Variants in RPUSD3 observed in about 807,000 individuals in gnomAD.
The protein encoded by RPUSD3 is mitochondrial mRNA pseudouridine synthase RPUSD3.
In RPUSD3, 36 loss-of-function variants were observed where a neutral mutation model predicts 35.1. The observed-to-expected ratio is 1.02, with a 90% confidence interval of 0.79 to 1.35. The LOEUF is 1.35. Ranked by LOEUF, RPUSD3 falls within the 40% of genes most tolerant of loss-of-function variation. The pLI is 0.00. For synonymous variants in RPUSD3, 202 were observed against 187.8 expected (o/e 1.08, Z -0.62); for missense variants, 486 against 441.9 (o/e 1.10, Z -0.89).
rs886304300 is a variant in RPUSD3 at position 9,839,323 on chromosome 3, G to A, written c.725-152C>T. On this transcript the variant is annotated intron_variant, in intron 7 of 8. Coordinates refer to ENST00000383820, the Ensembl canonical transcript of RPUSD3. The stretch of plus-strand genomic sequence containing the variant: ...CAGTACTATGGCCCCTGCATCCAGA[G>A]AGGGACACATAACACGTCAGGACGA... 11 of 776,064 alleles carry A rather than the reference G, an allele frequency of 1.4e-5. No homozygotes were observed. The East Asian group carries it at 3.1e-4, about 22-fold the overall frequency. 48.1% of individuals were successfully genotyped at this position (776,064 alleles called of 1,614,324 possible). A position where few individuals can be genotyped will look rare whatever the true frequency, so the allele number is the denominator to read the frequency against.
exon 9 of RPUSD3, chr3:9,838,194 G>C: frequency 6.2e-7 from 1 of 1,611,982 alleles, no homozygotes; most frequent in South Asian, 1.1e-5. Flanking sequence ...TCTGAGGAGG[G>C]CTTCATCCAG....
At chr3:9,838,204 G>T (rs769494932) in exon 9 of RPUSD3, 1 of 1,611,814 alleles carries the variant, frequency 6.2e-7, no homozygotes. Context: ...GCTTCATCCA[G>T]GACCTGGAGC....
chr3:9,838,030 G>GC lies in RPUSD3; in HGVS notation c.1041dup (p.Leu348AlafsTer30). ...CAGAGGGAGGACTATTGTAAGCGGAGCCCCAGGCACTGTAGGGTCCTGGAG... is the reference window on the plus strand; with the variant it reads ...CAGAGGGAGGACTATTGTAAGCGGAGCCCCCAGGCACTGTAGGGTCCTGGAG... On this transcript the variant is annotated frameshift_variant, in exon 9 of 9. Coordinates refer to ENST00000383820, the Ensembl canonical transcript of RPUSD3. LOFTEE classifies it high-confidence loss of function. 3 of 1,575,750 alleles carry GC rather than the reference G, an allele frequency of 1.9e-6. No homozygotes were observed. Among genetic ancestry groups the GC allele is most frequent in the Non-Finnish European group, 2.6e-6 (3 of 1,159,232 alleles).
At chr3:9,840,882 G>A in intron 4 of RPUSD3, 77 bp from the exon 5 acceptor site, 2 of 1,076,252 alleles carry the variant, frequency 1.9e-6, no homozygotes, top group Non-Finnish European at 2.7e-6. Flanking sequence ...TAGGAACACT[G>A]ACCTGCTTCA....
exon 2 of RPUSD3, chr3:9,843,478 C>G: frequency 6.2e-7 from 1 of 1,614,018 alleles, no homozygotes; most frequent in South Asian, 1.1e-5. Flanking sequence ...TCCGGTCCAC[C>G]ACGGCTGCCC....
At chr3:9,843,768 C>A (rs1376327412) in intron 1 of RPUSD3, 122 bp downstream of exon 1, 3 of 1,540,880 alleles carry the variant, frequency 1.9e-6, no homozygotes, top group East Asian at 2.4e-5. Flanking sequence ...CAGCGGAGGG[C>A]ACCGAGGCTC....
At chr3:9,840,649 G>C in intron 5 of RPUSD3, 33 bp from the exon 6 acceptor site, 1 of 1,610,824 alleles carries the variant, frequency 6.2e-7, no homozygotes, top group Non-Finnish European at 8.5e-7. Flanking sequence ...TCACAGGGTG[G>C]CTTGCTGGGA....
intron 4 of RPUSD3, 40 bp from the exon 5 acceptor site, chr3:9,840,845 G>C: frequency 6.7e-7 from 1 of 1,503,654 alleles, no homozygotes; most frequent in Non-Finnish European, 9.1e-7. Flanking sequence ...AAAGTCCCTT[G>C]AACTCGCCCA....
At chr3:9,843,432 G>C (rs775953506) in intron 2 of RPUSD3, 33 bp downstream of exon 2, 16 of 1,611,948 alleles carry the variant, frequency 9.9e-6, no homozygotes, top group Middle Eastern at 1.7e-4. Context: ...GTCCCCTCCC[G>C]GTCCTTGTGC....
rs1309063364 is a variant in RPUSD3, at chr3:9,842,259, C to T, written c.263-16G>A. ...ACTAGAGGTCCTGAAACATACATCA[C>T]ACGAACATCAGCAAAAGCAACGGTA... is the stretch of plus-strand genomic sequence containing the variant. On this transcript the variant is annotated splice_polypyrimidine_tract_variant and intron_variant, in intron 2 of 8. Transcript: ENST00000383820. 13 of 1,614,066 alleles carry T rather than the reference C, an allele frequency of 8.1e-6. No individual in the cohort carries two copies. Among genetic ancestry groups the T allele is most frequent in the Non-Finnish European group, 1.1e-5 (13 of 1,179,938 alleles).
exon 9 of RPUSD3, chr3:9,837,882 G>A: frequency 1.1e-6 from 1 of 881,334 alleles, no homozygotes. Context: ...CAAGTCCAGA[G>A]AGGTAAAGTT....
chr3:9,842,044 C>G, exon 4 of RPUSD3: 1 of 1,612,544 alleles, frequency 6.2e-7, no homozygotes, highest in Non-Finnish European at 8.5e-7. Flanking sequence ...TGGCTCAGCT[C>G]TGGCAGCACT....
rs762150541 is a variant in RPUSD3 at position 9,843,967 on chromosome 3, G to A, written c.48C>T (p.Gly16=). 9 of 1,607,474 alleles carry A rather than the reference G, an allele frequency of 5.6e-6. No individual in the cohort carries two copies. In the East Asian group the frequency reaches 1.6e-4, roughly 28 times the overall value. The change falls in exon 1 of 9, where the codon GGC becomes GGT. Residue 16 remains glycine, a synonymous_variant. Transcript: ENST00000383820. Reference sequence around the variant, plus strand: ...CCCGCCGCCAGCCACTCCAGAACCGGCCCAAAACACGGCGGCCGTCCATCT... The same window carrying A: ...CCCGCCGCCAGCCACTCCAGAACCGACCCAAAACACGGCGGCCGTCCATCT...
At chr3:9,838,341 T>C in intron 8 of RPUSD3, 134 bp from the exon 9 acceptor site, 1 of 835,736 alleles carries the variant, frequency 1.2e-6, no homozygotes, top group Non-Finnish European at 1.9e-6. Context: ...TCATTTCCTC[T>C]TTGCACACAG....
At position 9,840,806 on chromosome 3, in the gene RPUSD3, C is replaced by A; in HGVS notation, c.408-1G>T. The A allele has an allele frequency of 6.2e-7, 1 of 1,610,108 alleles. No homozygotes were observed. The highest frequency in any genetic ancestry group is 1.1e-5 in the South Asian group (1 of 90,596). ...GAGGAGTACAAGCCCAGAGCTTTCT[C>A]TGGAATAAGCAGACAAATCACACAA... is the stretch of plus-strand genomic sequence containing the variant. On this transcript the variant is annotated splice_acceptor_variant, in intron 4 of 8. Coordinates refer to ENST00000383820, the Ensembl canonical transcript of RPUSD3. LOFTEE classifies it high-confidence loss of function.
At chr3:9,843,480 C>T (rs2082133013) in exon 2 of RPUSD3, 1 of 1,613,994 alleles carries the variant, frequency 6.2e-7, no homozygotes. Context: ...CGGTCCACCA[C>T]GGCTGCCCGC....
exon 5 of RPUSD3, chr3:9,840,723 C>T (rs779445543): frequency 6.2e-7 from 1 of 1,614,158 alleles, no homozygotes; most frequent in Admixed American, 1.7e-5. Flanking sequence ...GGCCTTTGGG[C>T]TCTCCGTGCA....
In RPUSD3 at chr3:9,843,446, C is replaced by A; in HGVS notation, c.262+19G>T. ...AGTCCCCTCCCGGTCCTTGTGCGGC[C>A]GTGCCTCTCACCCCTCACCTTTCCG... On this transcript the variant is annotated intron_variant, in intron 2 of 8. Transcript: ENST00000383820. The A allele has an allele frequency of 6.2e-7, 1 of 1,613,234 alleles. No individual in the cohort carries two copies. The highest frequency in any genetic ancestry group is 8.5e-7 in the Non-Finnish European group (1 of 1,179,446).
At chr3:9,842,436 G>A (rs368430343) in intron 2 of RPUSD3, 193 bp from the exon 3 acceptor site, 4 of 628,490 alleles carry the variant, frequency 6.4e-6, no homozygotes, top group Non-Finnish European at 2.9e-6. Flanking sequence ...GGCACTTGCT[G>A]TTTCCTGTCC....
Sources: allele counts gnomAD v4.1 joint callset, GRCh38; gene constraint gnomAD v4.1.1; transcripts MANE v1.5; gene names NCBI Gene and HGNC (gene_info 2026-07-23, HGNC 2026-07-21).